Variants in PCF11 observed in about 807,000 individuals in gnomAD.
The protein encoded by PCF11 is pre-mRNA cleavage complex 2 protein Pcf11.
In PCF11, 19 loss-of-function variants were observed where a neutral mutation model predicts 166.1. The observed-to-expected ratio is 0.11, with a 90% CI of 0.08 to 0.17. The LOEUF is 0.17. Ranked by LOEUF, PCF11 falls within the 10% of genes least tolerant of loss-of-function variation. PCF11 has a pLI of 1.00. For missense variants in PCF11, 1,565 were observed against 1,855.5 expected (o/e 0.84, Z 2.88); for synonymous variants, 663 against 644.1 (o/e 1.03, Z -0.44).
At chr11:83,170,462 T>G (rs1860648087) in intron 8 of PCF11, among the ~76,000 whole-genome samples, 1 of 152,186 alleles carries the variant, frequency 6.6e-6, no homozygotes, top group African/African-American at 2.4e-5. Context: ...TTCTTTTTTT[T>G]TGGTCCTTTT....
chr11:83,166,511 T>G (rs1860467037), exon 5 of PCF11: 1 of 1,613,722 alleles, frequency 6.2e-7, no homozygotes, highest in African/African-American at 1.3e-5. Flanking sequence ...CACCACCTTC[T>G]AGGGAAGACA....
At chr11:83,157,365 G>A (rs747914728) in exon 1 of PCF11, 1 of 1,353,162 alleles carries the variant, frequency 7.4e-7, no homozygotes, top group Admixed American at 1.9e-5. Flanking sequence ...AGGAAGAGGA[G>A]TCGGAAGGGA....
exon 10 of PCF11, chr11:83,177,199 C>T: frequency 6.5e-7 from 1 of 1,549,004 alleles, no homozygotes; most frequent in Non-Finnish European, 8.7e-7. Flanking sequence ...GATTCAGCTA[C>T]AACACGTAAG....
intron 1 of PCF11, among the ~76,000 whole-genome samples, chr11:83,159,746 T>C (rs1232212833): frequency 6.6e-6 from 1 of 152,118 alleles, no homozygotes; most frequent in Non-Finnish European, 1.5e-5. Context: ...CTGGCCTGGT[T>C]TTGTGTTTTG....
In PCF11 at chr11:83,166,461, C is replaced by T. The variant is rs780673773; in HGVS notation, c.1564C>T (p.Arg522Cys). 3.7e-6 allele frequency: 6 copies of T among 1,613,814 alleles called. No individual in the cohort carries two copies. Among genetic ancestry groups the T allele is most frequent in the Admixed American group, 1.7e-5 (1 of 59,996 alleles). Residue 522 changes from arginine (R) to cysteine (C), a missense_variant, in exon 5 of 16, where the codon CGC becomes TGC. Physicochemically the swap from Arg to Cys is radical, Grantham distance 180. Transcript: ENST00000298281. ...ATCGACACCTAAAGCTGGAAAGATT[C>T]GCCAATCTGGAGCTAAGCAGTCACA...
At chr11:83,157,873 A>G in intron 1 of PCF11, 4 of 551,860 alleles carry the variant, frequency 7.2e-6, no homozygotes, top group Non-Finnish European at 1.3e-5. Context: ...TTTTTAGGCC[A>G]CCGCATTGTA....
chr11:83,185,194 T>C (rs1861241291), exon 16 of PCF11: 1 of 208,114 alleles, frequency 4.8e-6, no homozygotes, highest in Non-Finnish European at 9.5e-6. Flanking sequence ...ATAAAAAATA[T>C]TTTTGCTATT....
intron 7 of PCF11, among the ~76,000 whole-genome samples, chr11:83,168,187 AAG>A (rs951077692): frequency 6.6e-6 from 1 of 152,332 alleles, no homozygotes; most frequent in East Asian, 1.9e-4. Flanking sequence ...TAGGAAATAA[AAG>A]AGAGGTTAAA....
At chr11:83,183,096 ATTTG>A (rs1248214918) in intron 15 of PCF11, 23 bp downstream of exon 15, 33 of 1,300,542 alleles carry the variant, frequency 2.5e-5, no homozygotes, top group East Asian at 2.1e-4. Context: ...TGGTTACTGT[ATTTG>A]TTCTCATTTG....
rs566789166 is a variant in PCF11, at chr11:83,177,343, C to T, written c.3877+139C>T. 123 of 674,334 alleles carry T rather than the reference C, an allele frequency of 1.8e-4. 1 individual carries two copies. The highest frequency in any genetic ancestry group is 1.5e-3 in the African/African-American group (80 of 53,068). 41.8% of individuals were successfully genotyped at this position (674,334 alleles called of 1,614,324 possible). On this transcript the variant is annotated intron_variant, in intron 10 of 15. Coordinates refer to ENST00000298281, the Ensembl canonical transcript of PCF11. ...AGGTATAGCTTTTATTTTTGATTTT[C>T]GGTTTATAATGAAATTCTTTTAGAT...
intron 10 of PCF11, 93 bp downstream of exon 10, chr11:83,177,297 C>T: frequency 1.0e-6 from 1 of 959,728 alleles, no homozygotes; most frequent in Non-Finnish European, 1.4e-6. Flanking sequence ...TGATAAAGGT[C>T]CTTACAATAA....
chr11:83,173,953 T>C (rs1257656730), intron 9 of PCF11, among the ~76,000 whole-genome samples: 2 of 151,982 alleles, frequency 1.3e-5, no homozygotes, highest in Admixed American at 6.6e-5. Context: ...GTGGCTTGAA[T>C]CCTGACCTCA....
At chr11:83,172,962 T>C (rs1421625538) in intron 9 of PCF11, among the ~76,000 whole-genome samples, 7 of 152,200 alleles carry the variant, frequency 4.6e-5, no homozygotes, top group African/African-American at 1.7e-4. Context: ...TTGGAAGCTT[T>C]TAAGTTTTAA....
intron 9 of PCF11, among the ~76,000 whole-genome samples, chr11:83,172,734 A>G (rs749653336): frequency 1.3e-5 from 2 of 152,166 alleles, no homozygotes; most frequent in Non-Finnish European, 2.9e-5. Flanking sequence ...TTTAGTTTTA[A>G]TATGTGGTAA....
chr11:83,168,646 G>C, exon 8 of PCF11: 1 of 1,613,906 alleles, frequency 6.2e-7, no homozygotes. Context: ...GATGATTTTT[G>C]AAGGACCCAA....
At chr11:83,164,300 G>C (rs765198965) in exon 4 of PCF11, 1 of 1,613,484 alleles carries the variant, frequency 6.2e-7, no homozygotes, top group Non-Finnish European at 8.5e-7. Flanking sequence ...TCTTACACAA[G>C]AACAACTAAT....
In PCF11 at chr11:83,164,000, T is replaced by C. The variant is rs115913594; in HGVS notation, c.507+133T>C. The C allele has an allele frequency of 2.5e-3, 1,424 of 562,946 alleles. 17 individuals carry two copies. Among genetic ancestry groups the C allele is most frequent in the African/African-American group, 0.025 (1,275 of 51,420 alleles). 34.9% of individuals were successfully genotyped at this position (562,946 alleles called of 1,614,324 possible). ...TGGTTCAATTTGAAAAAAAAAAAAA[T>C]AGTGTGTATATGTTTGGAATTTTTA... On this transcript the variant is annotated intron_variant, in intron 3 of 15. Transcript: ENST00000298281.
At chr11:83,180,825 G>GT (rs1861062021) in intron 11 of PCF11, 183 bp from the exon 12 acceptor site, 1 of 388,204 alleles carries the variant, frequency 2.6e-6, no homozygotes, top group South Asian at 7.8e-5. Context: ...AGTCACCAAA[G>GT]TTAAGGTAAA....
At chr11:83,172,479 G>A (rs1270654125) in intron 9 of PCF11, among the ~76,000 whole-genome samples, 1 of 152,102 alleles carries the variant, frequency 6.6e-6, no homozygotes, top group Non-Finnish European at 1.5e-5. Flanking sequence ...CTGGAGTGCA[G>A]TAGTGTCATA....
Sources: gnomAD v4.1 joint callset for allele counts (sites outside exome capture counted in the v4.1 genomes callset) on GRCh38, gnomAD v4.1.1 for gene constraint, MANE v1.5 for transcripts, NCBI Gene and HGNC (gene_info 2026-07-23, HGNC 2026-07-21) for gene names.